WBP1L: variants seen among roughly 807,000 people sequenced by gnomAD.
WBP1L encodes WW domain binding protein 1-like.
In WBP1L, 17 loss-of-function variants were observed where a neutral mutation model predicts 33.7. The observed-to-expected ratio is 0.50, with a 90% CI of 0.34 to 0.76. The LOEUF (loss-of-function observed/expected upper bound fraction) is 0.76, where lower values mean the gene tolerates loss of function less well. WBP1L is among the 30% of genes least tolerant of loss of function. The pLI, the probability that WBP1L is intolerant of heterozygous loss-of-function variation, is 0.01. For missense variants in WBP1L, 389 were observed against 469.4 expected, an observed-to-expected ratio of 0.83 and a Z score of 1.58; for synonymous variants, 173 against 190.8, an observed-to-expected ratio of 0.91 and a Z score of 0.77.
At chr10:102,769,914 GAT>G (rs1843165462) in intron 1 of WBP1L, among the ~76,000 whole-genome samples, 1 of 152,230 alleles carries the variant, frequency 6.6e-6, no homozygotes, top group Admixed American at 6.5e-5. Flanking sequence ...TTGTGGAAGA[GAT>G]AAGCTCTGTG....
At position 102,813,281 on chromosome 10, in the gene WBP1L, A is replaced by G. The variant is rs745347334; in HGVS notation, c.1042A>G (p.Ile348Val). The G allele has an allele frequency of 5.0e-6, 8 of 1,612,672 alleles. No individual in the cohort carries two copies. The Admixed American group carries it at 5.0e-5, about 10-fold the overall frequency. ...RPPACLLLNT[I>V]NEQDSPNSQS... ...GCCCGCATGCCTGCTGCTGAACACC[A>G]TCAACGAGCAGGACTCTCCCAACTC... The change falls in exon 4 of 4, where the codon ATC becomes GTC. Residue 348 changes from isoleucine to valine, a missense_variant. Ile to Val is a conservative substitution (Grantham distance 29, BLOSUM62 3). Transcript: ENST00000448841.
intron 1 of WBP1L, among the ~76,000 whole-genome samples, chr10:102,793,196 T>C (rs1184625660): frequency 6.6e-6 from 1 of 152,176 alleles, no homozygotes; most frequent in East Asian, 1.9e-4. Context: ...ACCCCAGCAC[T>C]TTGGGAGGCC....
intron 1 of WBP1L, among the ~76,000 whole-genome samples, chr10:102,763,226 A>AAT (rs1383560733): frequency 6.6e-6 from 1 of 151,376 alleles, no homozygotes; most frequent in Non-Finnish European, 1.5e-5. Flanking sequence ...AAAAAAAAAA[A>AAT]AGAATTTGGA....
intron 2 of WBP1L, among the ~76,000 whole-genome samples, chr10:102,803,097 A>C (rs1441656539): frequency 6.6e-6 from 1 of 152,214 alleles, no homozygotes; most frequent in Admixed American, 6.5e-5. Flanking sequence ...AACCCAGGCC[A>C]TCTGCCTTTT....
chr10:102,776,485 G>C lies in WBP1L; in HGVS notation c.91-21508G>C, dbSNP rs1022630143. The stretch of plus-strand genomic sequence containing the variant: ...GTGGGAGCTTGTTTATTGTACTACT[G>C]CTTTGGGTGGAGGGAATATTTTAGC... On this transcript the variant is annotated intron_variant, in intron 1 of 3. Coordinates refer to ENST00000448841, the MANE Select transcript of WBP1L (RefSeq NM_001083913.2). The C allele has an allele frequency of 3.1e-6, 5 of 1,602,158 alleles. No individual in the cohort carries two copies. In the Admixed American group the frequency reaches 6.7e-5, roughly 21 times the overall value.
At chr10:102,784,983 C>A (rs533851871) in intron 1 of WBP1L, among the ~76,000 whole-genome samples, 1 of 151,330 alleles carries the variant, frequency 6.6e-6, no homozygotes, top group East Asian at 2.0e-4. Flanking sequence ...TCAAGTGATT[C>A]TTCCGCCTCA....
chr10:102,796,381 T>C (rs1353375724), intron 1 of WBP1L, among the ~76,000 whole-genome samples: 1 of 152,212 alleles, frequency 6.6e-6, no homozygotes, highest in Admixed American at 6.5e-5. Flanking sequence ...GGAACTGGTT[T>C]TCAGTCCTGT....
chr10:102,768,368 T>TTTG, intron 1 of WBP1L, among the ~76,000 whole-genome samples: 3 of 19,182 alleles, frequency 1.6e-4, no homozygotes, highest in African/African-American at 4.1e-4. Flanking sequence ...GCATTAGTTT[T>TTTG]TTGTTTTTTT....
intron 1 of WBP1L, among the ~76,000 whole-genome samples, chr10:102,757,273 C>T (rs1590167543): frequency 6.6e-6 from 1 of 152,346 alleles, no homozygotes. Flanking sequence ...GCTTCTGCCT[C>T]AGCATCCCAA....
In WBP1L at chr10:102,814,519, GTT is replaced by G. The variant is rs1564773249; in HGVS notation, c.*1190_*1191del. On this transcript the variant is annotated 3_prime_UTR_variant, in exon 4 of 4. Coordinates refer to ENST00000448841, the MANE Select transcript of WBP1L (RefSeq NM_001083913.2). ...TTTTTTTTTTTTTTTGGTGGCAGTT[GTT>G]TGTTTTAAACTGACCACTTGGAAGA... 3.6e-5 allele frequency: 5 copies of G among 140,392 alleles called. No homozygotes were observed. Among genetic ancestry groups the G allele is most frequent in the Admixed American group, 7.2e-5 (1 of 13,830 alleles). 8.7% of individuals were successfully genotyped at this position (140,392 alleles called of 1,614,324 possible).
chr10:102,771,354 C>T (rs1016899089), intron 1 of WBP1L, among the ~76,000 whole-genome samples: 4 of 151,884 alleles, frequency 2.6e-5, no homozygotes, highest in Non-Finnish European at 5.9e-5. Context: ...GCCAGGGATT[C>T]GAGACCAGCT....
Position 102,813,016 on chromosome 10 carries a change from G to T in WBP1L, c.777G>T (p.Lys259Asn). ...ACGGCGCACCCGACAGCAAAGAGAAGACGCCTGGGAGACATCGCCGCTTCA... is the reference window on the plus strand; with the variant it reads ...ACGGCGCACCCGACAGCAAAGAGAATACGCCTGGGAGACATCGCCGCTTCA... ...SEHGAPDSKE[K>N]TPGRHRRFTG... Residue 259 changes from lysine (K) to asparagine (N), a missense_variant, in exon 4 of 4, where the codon AAG (lysine) becomes AAT (asparagine). By Grantham distance (94) the Lys-to-Asn change is moderately conservative. Transcript: ENST00000448841. 6.2e-7 allele frequency: 1 copy of T among 1,613,766 alleles called. No individual in the cohort carries two copies.
chr10:102,812,885 G>A lies in WBP1L; in HGVS notation c.646G>A (p.Glu216Lys), dbSNP rs1210503608. Reference sequence around the variant, plus strand: ...AGCAGCCACCAAAGCCCCAGGGATGGAGCCCAGTGGCTCTGTGGCTGGCCT... The same window carrying A: ...AGCAGCCACCAAAGCCCCAGGGATGAAGCCCAGTGGCTCTGTGGCTGGCCT... The part of the protein sequence containing the change: ...DRAATKAPGM[E>K]PSGSVAGLGE... Residue 216 changes from glutamate (E) to lysine (K), a missense_variant, in exon 4 of 4, where the codon GAG becomes AAG. By Grantham distance (56) the Glu-to-Lys change is moderately conservative. Coordinates refer to ENST00000448841, the MANE Select transcript of WBP1L (RefSeq NM_001083913.2). 3.8e-6 allele frequency: 6 copies of A among 1,574,590 alleles called. No homozygotes were observed. Among genetic ancestry groups the A allele is most frequent in the Non-Finnish European group, 5.2e-6 (6 of 1,158,302 alleles).
In WBP1L at chr10:102,815,335, T is replaced by C. The variant is rs1843920788; in HGVS notation, c.*2004T>C. The C allele has an allele frequency of 6.5e-6, 1 of 152,676 alleles. No homozygotes were observed. Among genetic ancestry groups the C allele is most frequent in the South Asian group, 2.1e-4 (1 of 4,836 alleles). The allele number at this position is 152,676 out of a possible 1,614,324, so 9.5% of individuals were successfully genotyped here. On this transcript the variant is annotated 3_prime_UTR_variant, in exon 4 of 4. Coordinates refer to ENST00000448841, the MANE Select transcript of WBP1L (RefSeq NM_001083913.2). ...AGGCCTGCGTTCTGTTCCCTATAAATGGAAGCGTGCTCTGAGCCTGTCTGC... is the reference window on the plus strand; with the variant it reads ...AGGCCTGCGTTCTGTTCCCTATAAACGGAAGCGTGCTCTGAGCCTGTCTGC...
At chr10:102,763,207 C>CAAAAAAAAA (rs36003893) in intron 1 of WBP1L, among the ~76,000 whole-genome samples, 1 of 94,064 alleles carries the variant, frequency 1.1e-5, no homozygotes, top group Non-Finnish European at 2.0e-5. Context: ...ACTTTTGTCT[C>CAAAAAAAAA]AAAAAAAAAA....
At chr10:102,790,405 AG>A (rs1843478909) in intron 1 of WBP1L, among the ~76,000 whole-genome samples, 1 of 151,792 alleles carries the variant, frequency 6.6e-6, no homozygotes, top group Admixed American at 6.6e-5. Context: ...ACTTTTTTTC[AG>A]GGGGTCTTAT....
chr10:102,762,161 G>T (rs180997387), intron 1 of WBP1L, among the ~76,000 whole-genome samples: 1 of 152,172 alleles, frequency 6.6e-6, no homozygotes, highest in Admixed American at 6.6e-5. Flanking sequence ...CCATCTTTTA[G>T]TGGTCGCACC....
At chr10:102,769,138 G>A (rs755970451) in intron 1 of WBP1L, among the ~76,000 whole-genome samples, 4 of 152,096 alleles carry the variant, frequency 2.6e-5, no homozygotes, top group African/African-American at 7.2e-5. Flanking sequence ...GGTGTACGCC[G>A]CCATGCCTGG....
intron 1 of WBP1L, among the ~76,000 whole-genome samples, chr10:102,754,809 A>T (rs1361239257): frequency 6.6e-6 from 1 of 151,974 alleles, no homozygotes; most frequent in Non-Finnish European, 1.5e-5. Context: ...GGCTAAAGCG[A>T]TTCTCCTGCC....
Sources: gnomAD v4.1 joint callset for allele counts (sites outside exome capture counted in the v4.1 genomes callset) on GRCh38, gnomAD v4.1.1 for gene constraint, MANE v1.5 for transcripts, NCBI Gene and HGNC (gene_info 2026-07-23, HGNC 2026-07-21) for gene names.